FHOD3: variants seen among roughly 807,000 people sequenced by gnomAD.
FHOD3 encodes the protein formin homology 2 domain containing 3, also known as FH1/FH2 domain-containing protein 3.
FHOD3 carries 90 observed loss-of-function variants against 173.0 expected under a neutral mutation model. The observed-to-expected ratio is 0.52, with a 90% CI of 0.44 to 0.62. The LOEUF (loss-of-function observed/expected upper bound fraction) is 0.62, where lower values mean the gene tolerates loss of function less well. Among genes scored for constraint, FHOD3 ranks in the 20% least tolerant of loss-of-function variants. The pLI is 0.00. For missense variants in FHOD3, 1,945 were observed against 2,034.7 expected, an observed-to-expected ratio of 0.96 and a Z score of 0.85; for synonymous variants, 828 against 823.0, an observed-to-expected ratio of 1.01 and a Z score of -0.10.
intron 3 of FHOD3, among the ~76,000 whole-genome samples, chr18:36,468,461 G>C (rs2053080661): frequency 6.6e-6 from 1 of 152,138 alleles, no homozygotes; most frequent in Admixed American, 6.5e-5. Flanking sequence ...GCACAGCTGG[G>C]GCTCTGGAGA....
intron 3 of FHOD3, among the ~76,000 whole-genome samples, chr18:36,380,435 TCCTCCCTCCCTC>T (rs143577697): frequency 1.3e-5 from 2 of 150,058 alleles, no homozygotes; most frequent in African/African-American, 2.5e-5. Flanking sequence ...TCATCTCCCT[TCCTCCCTCCCTC>T]CCTCCCTCAC....
intron 14 of FHOD3, among the ~76,000 whole-genome samples, chr18:36,675,303 G>A (rs1275463368): frequency 6.6e-6 from 1 of 151,592 alleles, no homozygotes; most frequent in Non-Finnish European, 1.5e-5. Context: ...CTGTTCCTTT[G>A]CTTCCTGCTG....
intron 1 of FHOD3, among the ~76,000 whole-genome samples, chr18:36,344,411 A>G (rs75320956): frequency 6.8e-6 from 1 of 147,018 alleles, no homozygotes; most frequent in East Asian, 2.0e-4. Flanking sequence ...ACCTTGTCTC[A>G]AAAAAAAAAG....
At chr18:36,577,749 C>G (rs2058707931) in intron 6 of FHOD3, among the ~76,000 whole-genome samples, 1 of 152,242 alleles carries the variant, frequency 6.6e-6, no homozygotes, top group South Asian at 2.1e-4. Context: ...CACATCACCA[C>G]CAGCCACGCC....
chr18:36,712,805 A>G (rs1222388858), intron 18 of FHOD3, among the ~76,000 whole-genome samples: 1 of 151,952 alleles, frequency 6.6e-6, no homozygotes, highest in Non-Finnish European at 1.5e-5. Flanking sequence ...AGACATTCAC[A>G]CCAAGACATG....
Position 36,388,366 on chromosome 18 carries a change from A to AC in FHOD3, c.337+15625dup, listed in dbSNP as rs556100853. Among the ~76,000 whole-genome samples, 193 of 152,178 alleles carry AC rather than the reference A, an allele frequency of 1.3e-3. 2 individuals are homozygous for AC. Among genetic ancestry groups the AC allele is most frequent in the African/African-American group, 4.4e-3 (181 of 41,518 alleles). ...GGTAAAATGTGTTCCTGGGACTGTA[A>AC]CCCAGTCCCATGAGAAGGCCTAGGA... On this transcript the variant is annotated intron_variant, in intron 3 of 28. Transcript: ENST00000590592.
chr18:36,694,876 T>C (rs1453804838), intron 17 of FHOD3, among the ~76,000 whole-genome samples: 1 of 152,176 alleles, frequency 6.6e-6, no homozygotes, highest in Non-Finnish European at 1.5e-5. Context: ...TCTTACGTAT[T>C]TGATTGAATT....
At chr18:36,633,502 A>G (rs1280853404) in intron 10 of FHOD3, among the ~76,000 whole-genome samples, 3 of 152,184 alleles carry the variant, frequency 2.0e-5, no homozygotes, top group African/African-American at 7.2e-5. Context: ...TGGACTAAAC[A>G]ATTTTACATG....
chr18:36,767,676 C>T (rs868102782), intron 27 of FHOD3, among the ~76,000 whole-genome samples: 12 of 152,202 alleles, frequency 7.9e-5, no homozygotes, highest in Non-Finnish European at 1.3e-4. Flanking sequence ...GTTTTATGTA[C>T]ATGCAGGTGA....
intron 3 of FHOD3, among the ~76,000 whole-genome samples, chr18:36,455,372 G>A (rs541850567): frequency 2.0e-5 from 3 of 152,254 alleles, no homozygotes; most frequent in Non-Finnish European, 4.4e-5. Flanking sequence ...TGTTAGGGAC[G>A]AGTTCTGGGA....
At chr18:36,322,847 A>T (rs1048687036) in intron 1 of FHOD3, among the ~76,000 whole-genome samples, 1 of 152,114 alleles carries the variant, frequency 6.6e-6, no homozygotes, top group Non-Finnish European at 1.5e-5. Context: ...CAGATCTGGC[A>T]TTAATTCACT....
chr18:36,625,539 A>C lies in FHOD3; in HGVS notation c.986A>C (p.Glu329Ala). 6.8e-7 allele frequency: 1 copy of C among 1,465,672 alleles called. No individual in the cohort carries two copies. The allele number at this position is 1,465,672 out of a possible 1,614,324, so 90.8% of individuals were successfully genotyped here. Residue 329 changes from glutamate to alanine, a missense_variant, in exon 10 of 29, where the codon GAG (glutamate) becomes GCG (alanine). This residue lies in a region of FHOD3 where 1,099 missense variants were observed against 1,051.2 expected (regional missense o/e 1.05). Coordinates refer to ENST00000590592, the MANE Select transcript of FHOD3 (RefSeq NM_001281740.3). ...GCGCTCAGGCACGAGGATGGCGATGAGACCACGGAGCCACCCCCCAGTGGG... is the reference window on the plus strand; with the variant it reads ...GCGCTCAGGCACGAGGATGGCGATGCGACCACGGAGCCACCCCCCAGTGGG... ...EVALRHEDGD[E>A]TTEPPPSGCR... is the part of the protein sequence containing the mutation.
Position 36,307,618 on chromosome 18 carries a change from A to G in FHOD3, c.165+9618A>G, listed in dbSNP as rs539459171. Among the ~76,000 whole-genome samples the G allele has an allele frequency of 2.6e-5, 4 of 152,278 alleles. No individual in the cohort carries two copies. The East Asian group carries it at 5.8e-4, about 22-fold the overall frequency. ...GTTTATTGATGTGCATGTGTCTTGTACTCTAAAGTATCTTCACACTGTAGT... is the reference window on the plus strand; with the variant it reads ...GTTTATTGATGTGCATGTGTCTTGTGCTCTAAAGTATCTTCACACTGTAGT... On this transcript the variant is annotated intron_variant, in intron 1 of 28. Transcript: ENST00000590592.
intron 3 of FHOD3, among the ~76,000 whole-genome samples, chr18:36,382,405 G>C (rs917492900): frequency 6.6e-6 from 1 of 152,168 alleles, no homozygotes; most frequent in Non-Finnish European, 1.5e-5. Flanking sequence ...GGAATTTATT[G>C]CTGTAACCGG....
At chr18:36,546,200 T>C (rs2057404573) in intron 5 of FHOD3, among the ~76,000 whole-genome samples, 1 of 152,212 alleles carries the variant, frequency 6.6e-6, no homozygotes, top group Admixed American at 6.5e-5. Context: ...TTGAGATGTT[T>C]CTGGCAACCC....
intron 5 of FHOD3, among the ~76,000 whole-genome samples, chr18:36,554,430 G>C (rs2057789315): frequency 7.2e-6 from 1 of 138,194 alleles, no homozygotes; most frequent in Non-Finnish European, 1.5e-5. Flanking sequence ...GATGGGAATT[G>C]AACAATGAGA....
chr18:36,614,810 T>A (rs560514797), intron 9 of FHOD3, among the ~76,000 whole-genome samples: 1 of 152,190 alleles, frequency 6.6e-6, no homozygotes, highest in South Asian at 2.1e-4. Context: ...GAGAAATATT[T>A]ATTCCGATCC....
At chr18:36,402,633 C>G (rs879272057) in intron 3 of FHOD3, among the ~76,000 whole-genome samples, 4 of 151,920 alleles carry the variant, frequency 2.6e-5, no homozygotes, top group Non-Finnish European at 5.9e-5. Flanking sequence ...CATTTTTCCA[C>G]GACTTTAGTC....
intron 3 of FHOD3, among the ~76,000 whole-genome samples, chr18:36,418,868 C>T (rs1125113): frequency 0.31 from 46,725 of 151,932 alleles, 7,477 homozygotes; most frequent in South Asian, 0.49. Flanking sequence ...GAGCCGAGAT[C>T]GCGCCATTGC....
Sources: gnomAD v4.1 joint callset for allele counts (sites outside exome capture counted in the v4.1 genomes callset) on GRCh38, gnomAD v4.1.1 for gene constraint, gnomAD v4.1.1 regional missense constraint, MANE v1.5 for transcripts, NCBI Gene and HGNC (gene_info 2026-07-23, HGNC 2026-07-21) for gene names.